The following EXT2 variants were observed in gnomAD, a reference collection of about 807,000 sequenced individuals.
EXT2 encodes the protein exostosin-2.
Under a neutral mutation model 81.6 loss-of-function variants are expected in EXT2, and 53 were observed. The observed-to-expected ratio is 0.65, with a 90% confidence interval of 0.52 to 0.82. EXT2 has a LOEUF of 0.82. Ranked by LOEUF, EXT2 falls within the 40% of genes least tolerant of loss-of-function variation. EXT2 has a pLI of 0.00. For synonymous variants in EXT2, 320 were observed against 340.0 expected (o/e 0.94, Z 0.65); for missense variants, 774 against 910.2 (o/e 0.85, Z 1.93).
rs910869537 is a variant in EXT2, at chr11:44,249,752, T to C, written c.*5465T>C. Among the ~76,000 whole-genome samples the C allele has an allele frequency of 7.9e-5, 12 of 152,366 alleles. No individual in the cohort carries two copies. The highest frequency in any genetic ancestry group is 2.9e-4 in the African/African-American group (12 of 41,590). ...GAACATTTATTCAGTCATTCTGTTATGCTAACTATTCATTTTCTCATGAAA... is the reference window on the plus strand; with the variant it reads ...GAACATTTATTCAGTCATTCTGTTACGCTAACTATTCATTTTCTCATGAAA... On this transcript the variant is annotated 3_prime_UTR_variant, in exon 14 of 14. Coordinates refer to ENST00000533608, the MANE Select transcript of EXT2 (RefSeq NM_207122.2).
intron 13 of EXT2, among the ~76,000 whole-genome samples, chr11:44,243,304 C>A (rs541523757): frequency 2.0e-5 from 3 of 152,298 alleles, no homozygotes; most frequent in Non-Finnish European, 4.4e-5. Context: ...TTGACCAGAG[C>A]CATTCCCGAA....
At chr11:44,128,096 A>G (rs1954435992) in intron 6 of EXT2, among the ~76,000 whole-genome samples, 1 of 152,202 alleles carries the variant, frequency 6.6e-6, no homozygotes. Flanking sequence ...TCCAAATCTG[A>G]TCACCACAGG....
At position 44,245,703 on chromosome 11, in the gene EXT2, T is replaced by G. The variant is rs1186013734; in HGVS notation, c.*1416T>G. Among the ~76,000 whole-genome samples the G allele has an allele frequency of 6.6e-6, 1 of 152,228 alleles. No homozygotes were observed. The highest frequency in any genetic ancestry group is 2.4e-5 in the African/African-American group (1 of 41,464). ...TGAGTGACATGAAGGTGGGCAGTTA[T>G]TATGCTGTAGTTTCATCAAGAGTCA... On this transcript the variant is annotated 3_prime_UTR_variant, in exon 14 of 14. Coordinates refer to ENST00000533608, the MANE Select transcript of EXT2 (RefSeq NM_207122.2).
chr11:44,095,896 C>A, intron 1 of EXT2, 44 bp downstream of exon 1: 1 of 239,588 alleles, frequency 4.2e-6, no homozygotes, highest in Non-Finnish European at 8.0e-6. Flanking sequence ...GGCGCTGAAG[C>A]GAGGGCTCGG....
chr11:44,141,857 G>A (rs904643913), intron 7 of EXT2, among the ~76,000 whole-genome samples: 3 of 152,128 alleles, frequency 2.0e-5, no homozygotes, highest in African/African-American at 7.2e-5. Context: ...CCACAGGGTG[G>A]GACTATTTGA....
intron 7 of EXT2, among the ~76,000 whole-genome samples, chr11:44,162,689 T>C (rs1213019186): frequency 6.6e-6 from 1 of 152,006 alleles, no homozygotes; most frequent in African/African-American, 2.4e-5. Flanking sequence ...GGTGAACCAT[T>C]GTGTGTGGCT....
intron 1 of EXT2, among the ~76,000 whole-genome samples, chr11:44,100,642 G>C (rs1392787745): frequency 6.6e-6 from 1 of 152,158 alleles, no homozygotes. Context: ...AAGACAGAAG[G>C]CTCTATGGCC....
chr11:44,208,044 A>G (rs1384426129), intron 10 of EXT2, among the ~76,000 whole-genome samples: 2 of 152,236 alleles, frequency 1.3e-5, no homozygotes, highest in Non-Finnish European at 2.9e-5. Context: ...CTAATAAAAC[A>G]TACATTCATC....
At chr11:44,234,454 C>A (rs1458813066) in intron 12 of EXT2, among the ~76,000 whole-genome samples, 1 of 152,034 alleles carries the variant, frequency 6.6e-6, no homozygotes, top group African/African-American at 2.4e-5. Context: ...TATACAGTTT[C>A]TTTAGTTGCA....
At chr11:44,134,152 T>C (rs1954533057) in intron 7 of EXT2, among the ~76,000 whole-genome samples, 1 of 152,194 alleles carries the variant, frequency 6.6e-6, no homozygotes, top group South Asian at 2.1e-4. Flanking sequence ...GTGGGGAAGT[T>C]AAAAAACAGT....
intron 10 of EXT2, among the ~76,000 whole-genome samples, chr11:44,214,729 C>G (rs1266067899): frequency 6.6e-6 from 1 of 150,768 alleles, no homozygotes; most frequent in Non-Finnish European, 1.5e-5. Flanking sequence ...GAGGTTTATC[C>G]ATAATCTTTT....
chr11:44,136,760 C>T (rs1211184236), intron 7 of EXT2, among the ~76,000 whole-genome samples: 2 of 152,172 alleles, frequency 1.3e-5, no homozygotes, highest in African/African-American at 4.8e-5. Flanking sequence ...CCTCTCCAGT[C>T]CTGACATGCC....
chr11:44,225,091 T>G (rs1479974862), intron 10 of EXT2, among the ~76,000 whole-genome samples: 1 of 152,168 alleles, frequency 6.6e-6, no homozygotes, highest in Non-Finnish European at 1.5e-5. Flanking sequence ...TTACTGGGTC[T>G]TAGGGAGCAC....
intron 7 of EXT2, among the ~76,000 whole-genome samples, chr11:44,157,872 C>T (rs1954877755): frequency 6.6e-6 from 1 of 152,196 alleles, no homozygotes; most frequent in African/African-American, 2.4e-5. Context: ...ACCCAGGGCC[C>T]ACAGTGAGAA....
intron 13 of EXT2, among the ~76,000 whole-genome samples, chr11:44,240,788 A>G (rs1009671923): frequency 2.0e-5 from 3 of 152,206 alleles, no homozygotes; most frequent in Admixed American, 6.5e-5. Flanking sequence ...TTAGATAGGG[A>G]GGGAAGAAGA....
chr11:44,163,999 G>T (rs75605065), intron 7 of EXT2, among the ~76,000 whole-genome samples: 1 of 151,908 alleles, frequency 6.6e-6, no homozygotes, highest in East Asian at 1.9e-4. Context: ...GTTTGATATC[G>T]TCCTACAGTT....
chr11:44,172,353 G>A (rs1008411808), intron 8 of EXT2, among the ~76,000 whole-genome samples: 1 of 152,172 alleles, frequency 6.6e-6, no homozygotes, highest in East Asian at 1.9e-4. Flanking sequence ...ATGTGTCCTT[G>A]TAGAAACTGT....
chr11:44,228,821 T>C (rs1225705093), intron 10 of EXT2, among the ~76,000 whole-genome samples: 1 of 152,144 alleles, frequency 6.6e-6, no homozygotes, highest in African/African-American at 2.4e-5. Flanking sequence ...CTTAACAGCA[T>C]TGGACTTGAC....
At chr11:44,160,166 A>T (rs150529569) in intron 7 of EXT2, among the ~76,000 whole-genome samples, 24 of 152,270 alleles carry the variant, frequency 1.6e-4, no homozygotes, top group Non-Finnish European at 2.9e-4. Flanking sequence ...TCTCTCCCTG[A>T]CTGGGTTTCC....
Sources: allele counts gnomAD v4.1 joint callset (sites outside exome capture counted in the v4.1 genomes callset), GRCh38; gene constraint gnomAD v4.1.1; transcripts MANE v1.5; gene names NCBI Gene and HGNC (gene_info 2026-07-23, HGNC 2026-07-21).